Variants in CCSER1 observed in about 807,000 individuals in gnomAD.
CCSER1 encodes coiled-coil serine rich protein 1, also known as serine-rich coiled-coil domain-containing protein 1.
CCSER1 carries 41 observed loss-of-function variants against 82.0 expected under a neutral mutation model. That is an observed-to-expected ratio of 0.50 (90% CI 0.39 to 0.65). The LOEUF (loss-of-function observed/expected upper bound fraction) is 0.65. Ranked by LOEUF, CCSER1 falls within the 30% of genes least tolerant of loss-of-function variation. The probability of loss-of-function intolerance (pLI) is 0.00; values close to 1 mark genes in which losing one functional copy is unlikely to be tolerated. For synonymous variants in CCSER1, 414 were observed against 383.9 expected (o/e 1.08, Z -0.92); for missense variants, 1,119 against 1,064.2 (o/e 1.05, Z -0.72).
intron 5 of CCSER1, among the ~76,000 whole-genome samples, chr4:90,590,131 A>C (rs908834629): frequency 1.3e-5 from 2 of 152,078 alleles, no homozygotes; most frequent in Admixed American, 1.3e-4. Flanking sequence ...AAAATTAGCC[A>C]GGCATGGTGG....
chr4:91,048,571 A>G lies in CCSER1; in HGVS notation c.2173-37379A>G, dbSNP rs138682057. Among the ~76,000 whole-genome samples, 533 of 152,242 alleles carry G rather than the reference A, an allele frequency of 3.5e-3. 3 individuals are homozygous for G. Among genetic ancestry groups the G allele is most frequent in the Non-Finnish European group, 5.6e-3 (384 of 67,972 alleles). On this transcript the variant is annotated intron_variant, in intron 9 of 10. Transcript: ENST00000509176. Reference sequence around the variant, plus strand: ...TCTATATTCCCATGGACAGGCTACAATAAGAGAGAAGGTTTATAATAAATT... The same window carrying G: ...TCTATATTCCCATGGACAGGCTACAGTAAGAGAGAAGGTTTATAATAAATT...
chr4:90,478,693 A>G (rs1765436210), intron 5 of CCSER1, among the ~76,000 whole-genome samples: 1 of 151,896 alleles, frequency 6.6e-6, no homozygotes, highest in South Asian at 2.1e-4. Flanking sequence ...GTCCAGGATG[A>G]CAATTTAAAA....
chr4:90,933,235 TG>T (rs1355919156), intron 9 of CCSER1, among the ~76,000 whole-genome samples: 2 of 148,766 alleles, frequency 1.3e-5, no homozygotes, highest in African/African-American at 5.0e-5. Context: ...TCGCCGAGGC[TG>T]GAGTGCGGAG....
chr4:91,486,749 T>A (rs1758243127), intron 10 of CCSER1, among the ~76,000 whole-genome samples: 1 of 152,100 alleles, frequency 6.6e-6, no homozygotes, highest in Non-Finnish European at 1.5e-5. Context: ...TATGCCATTT[T>A]ATATAAGGGA....
chr4:91,402,613 G>A (rs1023933740), intron 10 of CCSER1, among the ~76,000 whole-genome samples: 12 of 152,258 alleles, frequency 7.9e-5, no homozygotes, highest in African/African-American at 2.9e-4. Context: ...TTCTACATAT[G>A]GCTAGCCAGT....
chr4:90,977,586 A>G (rs1735723356), intron 9 of CCSER1, among the ~76,000 whole-genome samples: 1 of 151,674 alleles, frequency 6.6e-6, no homozygotes, highest in Non-Finnish European at 1.5e-5. Flanking sequence ...ATAGGAGTAC[A>G]CTAGACAGTT....
chr4:90,566,312 G>C (rs531591598), intron 5 of CCSER1, among the ~76,000 whole-genome samples: 45 of 151,772 alleles, frequency 3.0e-4, no homozygotes, highest in African/African-American at 1.1e-3. Flanking sequence ...TTTTATTATA[G>C]GTTTGGAAAT....
chr4:90,179,512 A>T (rs991112334), intron 1 of CCSER1, among the ~76,000 whole-genome samples: 1 of 152,050 alleles, frequency 6.6e-6, no homozygotes, highest in Non-Finnish European at 1.5e-5. Context: ...TAGAGTAGCT[A>T]TAGGATTATA....
chr4:90,357,624 T>C (rs1744600731), intron 3 of CCSER1, among the ~76,000 whole-genome samples: 1 of 151,986 alleles, frequency 6.6e-6, no homozygotes, highest in South Asian at 2.1e-4. Context: ...TTTTCACTTA[T>C]AGGAAAAGGT....
intron 1 of CCSER1, among the ~76,000 whole-genome samples, chr4:90,223,981 G>GT (rs1420864883): frequency 7.9e-5 from 12 of 152,292 alleles, no homozygotes; most frequent in African/African-American, 2.9e-4. Flanking sequence ...AACATGCTCA[G>GT]TAAATATGTG....
At chr4:91,399,395 AT>A (rs1752186997) in intron 10 of CCSER1, among the ~76,000 whole-genome samples, 1 of 151,928 alleles carries the variant, frequency 6.6e-6, no homozygotes, top group Admixed American at 6.6e-5. Context: ...AGGGAAAAAC[AT>A]TATAGGAAGT....
At chr4:90,512,797 T>C (rs2153618750) in intron 5 of CCSER1, among the ~76,000 whole-genome samples, 1 of 152,312 alleles carries the variant, frequency 6.6e-6, no homozygotes, top group Non-Finnish European at 1.5e-5. Flanking sequence ...ATAATTGCAA[T>C]AAGTCATTAT....
At chr4:90,206,346 T>A (rs1738833092) in intron 1 of CCSER1, among the ~76,000 whole-genome samples, 1 of 152,198 alleles carries the variant, frequency 6.6e-6, no homozygotes, top group Non-Finnish European at 1.5e-5. Context: ...CTGCTATAAA[T>A]TTCCCTCTAA....
At chr4:90,721,070 T>A (rs2149364321) in intron 6 of CCSER1, among the ~76,000 whole-genome samples, 1 of 152,038 alleles carries the variant, frequency 6.6e-6, no homozygotes, top group African/African-American at 2.4e-5. Context: ...ACCAGAATAT[T>A]TATAATATGC....
At chr4:91,124,133 AT>A (rs1258870385) in intron 10 of CCSER1, among the ~76,000 whole-genome samples, 2 of 151,544 alleles carry the variant, frequency 1.3e-5, no homozygotes, top group Non-Finnish European at 3.0e-5. Flanking sequence ...AAATTAATGT[AT>A]TTTTCCCTGA....
intron 5 of CCSER1, among the ~76,000 whole-genome samples, chr4:90,550,201 G>A (rs576655842): frequency 6.6e-6 from 1 of 152,198 alleles, no homozygotes; most frequent in East Asian, 1.9e-4. Flanking sequence ...CTGTATCACA[G>A]GGCGTGCTAA....
At chr4:91,078,536 G>A (rs560118538) in intron 9 of CCSER1, among the ~76,000 whole-genome samples, 20 of 152,370 alleles carry the variant, frequency 1.3e-4, no homozygotes, top group African/African-American at 2.4e-4. Flanking sequence ...CCAAAGGAAC[G>A]CAGCTCCTCG....
intron 10 of CCSER1, among the ~76,000 whole-genome samples, chr4:91,536,642 G>T (rs574012063): frequency 6.6e-6 from 1 of 152,168 alleles, no homozygotes; most frequent in South Asian, 2.1e-4. Flanking sequence ...TCAGCATTCT[G>T]TCACTTCCGT....
chr4:90,878,892 C>G (rs1720777280), intron 8 of CCSER1, among the ~76,000 whole-genome samples: 1 of 152,172 alleles, frequency 6.6e-6, no homozygotes. Context: ...TAGAATAGCT[C>G]TGGTCATATA....
Sources: allele counts gnomAD v4.1 joint callset (sites outside exome capture counted in the v4.1 genomes callset), GRCh38; gene constraint gnomAD v4.1.1; transcripts MANE v1.5; gene names NCBI Gene and HGNC (gene_info 2026-07-23, HGNC 2026-07-21).